Variants in TEP1 observed in about 807,000 individuals in gnomAD.
TEP1 encodes telomerase associated protein 1, also known as telomerase protein component 1.
Under a neutral mutation model 306.3 loss-of-function variants are expected in TEP1, and 241 were observed. That is an observed-to-expected ratio of 0.79 (90% CI 0.71 to 0.88). The LOEUF is 0.88. TEP1 is among the 40% of genes least tolerant of loss of function. The probability of loss-of-function intolerance (pLI) is 0.00; values close to 1 mark genes in which losing one functional copy is unlikely to be tolerated. For missense variants in TEP1, 3,051 were observed against 3,276.1 expected (o/e 0.93, Z 1.68); for synonymous variants, 1,289 against 1,305.5 (o/e 0.99, Z 0.27).
chr14:20,409,827 T>C (rs537487696), intron 1 of TEP1, among the ~76,000 whole-genome samples: 25 of 152,060 alleles, frequency 1.6e-4, no homozygotes, highest in Non-Finnish European at 3.1e-4. Context: ...GAGACCATCC[T>C]GGCTAACACA....
At chr14:20,400,774 C>T (rs933517947) in intron 9 of TEP1, 1 of 579,776 alleles carries the variant, frequency 1.7e-6, no homozygotes. Context: ...CTAACTACAT[C>T]TGGTATAATG....
At position 20,378,723 on chromosome 14, in the gene TEP1, C is replaced by A. The variant is rs370035144; in HGVS notation, c.5352+31G>T. 9 of 1,607,576 alleles carry A rather than the reference C, an allele frequency of 5.6e-6. No individual in the cohort carries two copies. The African/African-American group carries it at 6.7e-5, about 12-fold the overall frequency. On this transcript the variant is annotated intron_variant, in intron 37 of 54. Coordinates refer to ENST00000262715, the MANE Select transcript of TEP1 (RefSeq NM_007110.5). ...ACGAGGGTGAGTCATGGCTCAGGGC[C>A]ACTCTGACCACTGCAGACCCCAAGT... is the stretch of plus-strand genomic sequence containing the variant.
chr14:20,374,649 C>G, intron 43 of TEP1, 113 bp from the exon 44 acceptor site: 1 of 647,660 alleles, frequency 1.5e-6, no homozygotes, highest in Non-Finnish European at 2.6e-6. Flanking sequence ...CCTGGGTTCT[C>G]CTGGGTTCAA....
chr14:20,388,087 G>A (rs1187842666), intron 17 of TEP1, 24 bp from the exon 18 acceptor site: 1 of 1,613,474 alleles, frequency 6.2e-7, no homozygotes, highest in Non-Finnish European at 8.5e-7. Context: ...CAAGATAAAT[G>A]AGAGTAGAAT....
chr14:20,371,464 G>A (rs929077545), intron 50 of TEP1, 25 bp downstream of exon 50: 1 of 1,609,948 alleles, frequency 6.2e-7, no homozygotes, highest in Non-Finnish European at 8.5e-7. Context: ...CCCAGCTCAG[G>A]AGGAAATGGC....
Position 20,378,246 on chromosome 14 carries a change from G to A in TEP1, c.5509-10C>T. On this transcript the variant is annotated splice_polypyrimidine_tract_variant and intron_variant, in intron 38 of 54. Coordinates refer to ENST00000262715, the MANE Select transcript of TEP1 (RefSeq NM_007110.5). ...CGGGTGCCCCCAGGTCCTACACAGG[G>A]AGGTAGAAATGGAAACGTGAAGACC... is the stretch of plus-strand genomic sequence containing the variant. 6 of 1,613,554 alleles carry A rather than the reference G, an allele frequency of 3.7e-6. No individual in the cohort carries two copies. Among genetic ancestry groups the A allele is most frequent in the Non-Finnish European group, 4.2e-6 (5 of 1,179,954 alleles).
intron 23 of TEP1, 65 bp from the exon 24 acceptor site, chr14:20,384,297 TCA>T: frequency 6.2e-7 from 1 of 1,608,324 alleles, no homozygotes; most frequent in South Asian, 1.1e-5. Flanking sequence ...AGGCTAAAAC[TCA>T]CAGAGCCCCC....
Position 20,383,680 on chromosome 14 carries a change from G to GA in TEP1, c.3711-37dup, listed in dbSNP as rs112044157. On this transcript the variant is annotated intron_variant, in intron 25 of 54. Coordinates refer to ENST00000262715, the MANE Select transcript of TEP1 (RefSeq NM_007110.5). ...AGAGGAAGTCAGGGTCAGTGGGAGA[G>GA]AAAAAAAAAGCAGGGGTGGTACGTG... The GA allele has an allele frequency of 5.6e-4, 897 of 1,602,214 alleles. 1 individual carries two copies. The highest frequency in any genetic ancestry group is 6.9e-4 in the Non-Finnish European group (806 of 1,174,786).
chr14:20,377,797 C>G (rs374940664), intron 39 of TEP1, 44 bp from the exon 40 acceptor site: 20 of 1,604,980 alleles, frequency 1.2e-5, no homozygotes, highest in Non-Finnish European at 1.6e-5. Context: ...CTCCACCACG[C>G]GGTCCTCCTT....
chr14:20,375,780 C>A lies in TEP1; in HGVS notation c.6338G>T (p.Cys2113Phe). The A allele has an allele frequency of 1.9e-6, 3 of 1,613,526 alleles. No homozygotes were observed. Among genetic ancestry groups the A allele is most frequent in the Non-Finnish European group, 2.5e-6 (3 of 1,179,864 alleles). ...CAGTAGGTTATCTTTGGTCCAGGCA[C>A]AGCCAGTGACCCAGTCACGGTGACA... ...PACHRDWVTG[C>F]AWTKDNLLIS... is the part of the protein sequence containing the mutation. The change falls in exon 43 of 55, where the codon TGT becomes TTT. Residue 2113 changes from cysteine to phenylalanine, a missense_variant. Physicochemically the swap from Cys to Phe is radical, Grantham distance 205 (BLOSUM62 -2). Coordinates refer to ENST00000262715, the MANE Select transcript of TEP1 (RefSeq NM_007110.5).
At chr14:20,382,177 C>G (rs544464079) in intron 29 of TEP1, 47 bp downstream of exon 29, 11 of 1,613,366 alleles carry the variant, frequency 6.8e-6, no homozygotes, top group Non-Finnish European at 9.3e-6. Context: ...CAATGTAATC[C>G]GAACCCTGGC....
intron 14 of TEP1, 72 bp from the exon 15 acceptor site, chr14:20,390,830 G>C: frequency 6.2e-7 from 1 of 1,612,846 alleles, no homozygotes; most frequent in Non-Finnish European, 8.5e-7. Flanking sequence ...CAGTCTGCTT[G>C]GGAAATCTTC....
chr14:20,377,091 T>C (rs1885218019), intron 41 of TEP1, among the ~76,000 whole-genome samples, 189 bp downstream of exon 41: 1 of 152,018 alleles, frequency 6.6e-6, no homozygotes, highest in Non-Finnish European at 1.5e-5. Context: ...GGCGCATGCC[T>C]GTAATCCCAG....
intron 17 of TEP1, among the ~76,000 whole-genome samples, chr14:20,388,786 C>T (rs1877431776): frequency 6.6e-6 from 1 of 152,116 alleles, no homozygotes; most frequent in African/African-American, 2.4e-5. Flanking sequence ...GTGCCTGGGT[C>T]CCTGTGACAC....
Position 20,369,761 on chromosome 14 carries a change from C to T in TEP1, c.7336G>A (p.Glu2446Lys). The T allele has an allele frequency of 6.2e-7, 1 of 1,614,050 alleles. No homozygotes were observed. Among genetic ancestry groups the T allele is most frequent in the Non-Finnish European group, 8.5e-7 (1 of 1,179,990 alleles). The part of the protein sequence containing the change: ...LSFLRQKESG[E>K]FEERLNFDIN... ...TCAAAGTTCAGCCTCTCTTCAAACT[C>T]TCCTGATTCCTTTTGCCTCTGTGAA... is the stretch of plus-strand genomic sequence containing the variant. Residue 2446 changes from glutamate (E) to lysine (K), a missense_variant, in exon 52 of 55, where the codon GAG becomes AAG. By Grantham distance (56) the Glu-to-Lys change is moderately conservative. Around this residue, in one of 3 missense-constraint regions of TEP1, gnomAD observed 1,540 missense variants for 1,705.9 expected, o/e 0.90. Transcript: ENST00000262715.
chr14:20,376,361 T>C lies in TEP1; in HGVS notation c.6089-97A>G. ...CAGGAGCGGCCATGGGGGCTGAGGG[T>C]GACACCTGAGGCTCAGCTCCATGGG... On this transcript the variant is annotated intron_variant, in intron 41 of 54. Transcript: ENST00000262715. 3.1e-6 allele frequency: 4 copies of C among 1,303,752 alleles called. No individual in the cohort carries two copies. In the South Asian group the frequency reaches 5.8e-5, roughly 19 times the overall value. 80.8% of individuals were successfully genotyped at this position (1,303,752 alleles called of 1,614,324 possible).
Position 20,377,022 on chromosome 14 carries a change from C to T in TEP1, c.6088+258G>A, listed in dbSNP as rs892995511. Among the ~76,000 whole-genome samples the T allele has an allele frequency of 7.9e-5, 12 of 152,046 alleles. No homozygotes were observed. In the East Asian group the frequency reaches 2.1e-3, roughly 27 times the overall value. ...CCTATGGTCAGGAGTTCGAGACCAGCATGACCAACATGGTGAAACCCCATC... is the reference window on the plus strand; with the variant it reads ...CCTATGGTCAGGAGTTCGAGACCAGTATGACCAACATGGTGAAACCCCATC... On this transcript the variant is annotated intron_variant, in intron 41 of 54. Transcript: ENST00000262715.
At chr14:20,386,845 GGT>G (rs1175772612) in intron 18 of TEP1, among the ~76,000 whole-genome samples, 1 of 152,006 alleles carries the variant, frequency 6.6e-6, no homozygotes, top group Admixed American at 6.6e-5. Flanking sequence ...TCTTTTTTCT[GGT>G]AATCATTTTT....
chr14:20,369,936 C>T (rs566577611), intron 51 of TEP1, among the ~76,000 whole-genome samples, 157 bp from the exon 52 acceptor site: 12 of 84,548 alleles, frequency 1.4e-4, no homozygotes, highest in Admixed American at 9.6e-4. Flanking sequence ...TTTTTTGAGA[C>T]GGAGTCTCAC....
Sources: gnomAD v4.1 joint callset for allele counts (sites outside exome capture counted in the v4.1 genomes callset) on GRCh38, gnomAD v4.1.1 for gene constraint, gnomAD v4.1.1 regional missense constraint, MANE v1.5 for transcripts, NCBI Gene and HGNC (gene_info 2026-07-23, HGNC 2026-07-21) for gene names.